EXOC2: variants seen among roughly 807,000 people sequenced by gnomAD.
EXOC2 encodes exocyst complex component 2.
In EXOC2, 70 loss-of-function variants were observed where a neutral mutation model predicts 131.8. That is an observed-to-expected ratio of 0.53 (90% CI 0.44 to 0.65). The LOEUF is 0.65. Ranked by LOEUF, EXOC2 falls within the 30% of genes least tolerant of loss-of-function variation. The pLI, the probability that EXOC2 is intolerant of heterozygous loss-of-function variation, is 0.00. For missense variants in EXOC2, 923 were observed against 1,108.6 expected, an observed-to-expected ratio of 0.83 and a Z score of 2.38; for synonymous variants, 411 against 398.4, an observed-to-expected ratio of 1.03 and a Z score of -0.38.
At chr6:541,667 G>A (rs754605451) in intron 22 of EXOC2, among the ~76,000 whole-genome samples, 26 of 152,202 alleles carry the variant, frequency 1.7e-4, no homozygotes, top group Non-Finnish European at 2.5e-4. Flanking sequence ...ACAATTTTAC[G>A]CCAACAGATT....
At chr6:503,359 A>AC (rs1357799555) in intron 23 of EXOC2, among the ~76,000 whole-genome samples, 2 of 152,118 alleles carry the variant, frequency 1.3e-5, no homozygotes, top group African/African-American at 4.8e-5. Context: ...TATATGTAAG[A>AC]CCCCAAAGTG....
chr6:565,018 A>C, intron 13 of EXOC2, 89 bp from the exon 14 acceptor site: 1 of 983,788 alleles, frequency 1.0e-6, no homozygotes, highest in Non-Finnish European at 1.5e-6. Context: ...GAGAACATTA[A>C]ATATGGTTAT....
At chr6:620,222 C>T (rs9504483) in intron 4 of EXOC2, among the ~76,000 whole-genome samples, 25,036 of 152,126 alleles carry the variant, frequency 0.16, 2,290 homozygotes, top group African/African-American at 0.23. Context: ...AGGTTCCATG[C>T]TGGGATGCCA....
At chr6:653,325 T>G in intron 1 of EXOC2, among the ~76,000 whole-genome samples, 1 of 152,244 alleles carries the variant, frequency 6.6e-6, no homozygotes, top group Non-Finnish European at 1.5e-5. Flanking sequence ...AAGCCAGGCC[T>G]TCTTGTGGCA....
At chr6:504,091 C>A (rs1415947751) in intron 23 of EXOC2, among the ~76,000 whole-genome samples, 1 of 152,216 alleles carries the variant, frequency 6.6e-6, no homozygotes, top group South Asian at 2.1e-4. Flanking sequence ...ACGGCCAACA[C>A]CGTTGGCAAA....
chr6:487,581 A>G (rs1262963336), intron 27 of EXOC2, among the ~76,000 whole-genome samples: 1 of 151,902 alleles, frequency 6.6e-6, no homozygotes, highest in East Asian at 1.9e-4. Flanking sequence ...TAATTTTTGT[A>G]TTTTTAGTAG....
intron 4 of EXOC2, among the ~76,000 whole-genome samples, chr6:621,057 G>A (rs1264472951): frequency 2.6e-5 from 4 of 152,166 alleles, no homozygotes; most frequent in Non-Finnish European, 5.9e-5. Flanking sequence ...TCTTACCGCA[G>A]ACACTCCCTG....
At chr6:549,878 G>A (rs1207194090) in intron 21 of EXOC2, among the ~76,000 whole-genome samples, 1 of 152,218 alleles carries the variant, frequency 6.6e-6, no homozygotes, top group Admixed American at 6.5e-5. Flanking sequence ...CACTGAGGGT[G>A]GAGGACTCCA....
At chr6:638,287 C>T (rs1762196511) in intron 1 of EXOC2, among the ~76,000 whole-genome samples, 2 of 152,166 alleles carry the variant, frequency 1.3e-5, no homozygotes, top group Non-Finnish European at 2.9e-5. Flanking sequence ...CACAGGTGTA[C>T]TGAATTTCAG....
At chr6:567,115 T>C (rs145994831) in intron 13 of EXOC2, among the ~76,000 whole-genome samples, 162 of 152,368 alleles carry the variant, frequency 1.1e-3, no homozygotes, top group African/African-American at 3.7e-3. Context: ...CAATTGATTC[T>C]GAACACACCA....
intron 1 of EXOC2, among the ~76,000 whole-genome samples, chr6:678,871 T>C (rs1007551393): frequency 1.3e-5 from 2 of 152,238 alleles, no homozygotes; most frequent in African/African-American, 4.8e-5. Flanking sequence ...ATTTTTAGCA[T>C]ATTAACTCCA....
chr6:501,885 C>T (rs1764224461), intron 23 of EXOC2, among the ~76,000 whole-genome samples: 1 of 151,248 alleles, frequency 6.6e-6, no homozygotes, highest in South Asian at 2.1e-4. Context: ...ATCTAGGAGG[C>T]AGGAGAGAAG....
chr6:569,046 C>T (rs1199404958), intron 13 of EXOC2, among the ~76,000 whole-genome samples: 1 of 152,140 alleles, frequency 6.6e-6, no homozygotes, highest in African/African-American at 2.4e-5. Flanking sequence ...ATCTCCAACA[C>T]AATGGATTAT....
At chr6:582,360 A>G (rs2127609650) in intron 11 of EXOC2, among the ~76,000 whole-genome samples, 1 of 152,278 alleles carries the variant, frequency 6.6e-6, no homozygotes, top group Non-Finnish European at 1.5e-5. Context: ...CTTCATGCCT[A>G]CTACAGCAAG....
chr6:487,973 ATTTAT>A (rs1463520533), intron 27 of EXOC2, among the ~76,000 whole-genome samples: 1 of 152,192 alleles, frequency 6.6e-6, no homozygotes, highest in Non-Finnish European at 1.5e-5. Flanking sequence ...CTTTTATCAT[ATTTAT>A]TTTAAAGAAA....
At chr6:490,050 C>T (rs1002951204) in intron 26 of EXOC2, among the ~76,000 whole-genome samples, 6 of 152,206 alleles carry the variant, frequency 3.9e-5, no homozygotes, top group African/African-American at 1.4e-4. Context: ...CCTCCACCAT[C>T]AGCTTGTTTC....
intron 7 of EXOC2, among the ~76,000 whole-genome samples, chr6:603,822 T>C (rs1035414017): frequency 1.3e-5 from 2 of 152,182 alleles, no homozygotes; most frequent in Non-Finnish European, 2.9e-5. Context: ...CCCAAATCTG[T>C]GTTTCAAGAT....
chr6:589,102 AAAGTAT>A lies in EXOC2; in HGVS notation c.1192+3361_1192+3366del, dbSNP rs1759378790. On this transcript the variant is annotated intron_variant, in intron 11 of 27. Transcript: ENST00000230449. ...AATTAGGTATTCAGTTTGTTTCCTG[AAAGTAT>A]AAGTAGGAAAATCCTTGGTCAGACC... Among the ~76,000 whole-genome samples, 3 of 152,386 alleles carry A rather than the reference AAAGTAT, an allele frequency of 2.0e-5. No homozygotes were observed. In the South Asian group the frequency reaches 6.2e-4, roughly 32 times the overall value.
chr6:560,198 G>A (rs757153073), intron 17 of EXOC2, among the ~76,000 whole-genome samples: 2 of 152,120 alleles, frequency 1.3e-5, no homozygotes, highest in African/African-American at 2.4e-5. Flanking sequence ...CAGGTGCTTC[G>A]GTCCACAGTA....
Sources: allele counts gnomAD v4.1 joint callset (sites outside exome capture counted in the v4.1 genomes callset), GRCh38; gene constraint gnomAD v4.1.1; transcripts MANE v1.5; gene names NCBI Gene and HGNC (gene_info 2026-07-23, HGNC 2026-07-21).